PLCE1: variants seen among roughly 807,000 people sequenced by gnomAD.
The protein encoded by PLCE1 is 1-phosphatidylinositol 4,5-bisphosphate phosphodiesterase epsilon-1.
PLCE1 carries 119 observed loss-of-function variants against 242.8 expected under a neutral mutation model. The observed-to-expected ratio is 0.49, with a 90% confidence interval of 0.42 to 0.57. PLCE1 has a LOEUF of 0.57. PLCE1 is among the 20% of genes least tolerant of loss of function. The pLI, the probability that PLCE1 is intolerant of heterozygous loss-of-function variation, is 0.00. For missense variants in PLCE1, 2,441 were observed against 2,788.8 expected (o/e 0.88, Z 2.81); for synonymous variants, 945 against 1,017.4 (o/e 0.93, Z 1.35).
Position 94,283,910 on chromosome 10 carries a change from A to G in PLCE1, c.4916A>G (p.Lys1639Arg). ...KADNSACNKG[K>R]VYDMELGEEF... ...GATAACTCTGCTTGCAACAAAGGAA[A>G]GGTGGGTGAACGGTTTCTGTTAAAT... The change falls in exon 21 of 33, where the codon AAG (lysine) becomes AGG (arginine). Residue 1639 changes from lysine (K) to arginine (R), a missense_variant and splice_region_variant. By Grantham distance (26) the Lys-to-Arg change is conservative. Around this residue, in one of 5 missense-constraint regions of PLCE1, gnomAD observed 1,004 missense variants for 1,322.7 expected, o/e 0.76. Coordinates refer to ENST00000371380, the MANE Select transcript of PLCE1 (RefSeq NM_016341.4). The G allele has an allele frequency of 6.2e-7, 1 of 1,610,652 alleles. No individual in the cohort carries two copies. Among genetic ancestry groups the G allele is most frequent in the Non-Finnish European group, 8.5e-7 (1 of 1,177,686 alleles).
chr10:94,196,233 G>C (rs550384032), intron 4 of PLCE1, among the ~76,000 whole-genome samples: 20 of 152,256 alleles, frequency 1.3e-4, no homozygotes, highest in African/African-American at 4.8e-4. Flanking sequence ...TTCACTCTGG[G>C]CTCAGGGGCT....
intron 3 of PLCE1, among the ~76,000 whole-genome samples, chr10:94,169,945 A>G (rs1222181519): frequency 6.6e-6 from 1 of 152,218 alleles, no homozygotes; most frequent in East Asian, 1.9e-4. Context: ...CCAAGGAACT[A>G]GAAGTTTGCT....
At chr10:94,296,942 C>T (rs1473596591) in intron 23 of PLCE1, among the ~76,000 whole-genome samples, 1 of 151,786 alleles carries the variant, frequency 6.6e-6, no homozygotes, top group Non-Finnish European at 1.5e-5. Flanking sequence ...GGCGCGATCT[C>T]AGCTCACTGC....
At chr10:94,158,445 A>G (rs942118430) in intron 3 of PLCE1, among the ~76,000 whole-genome samples, 6 of 152,222 alleles carry the variant, frequency 3.9e-5, no homozygotes, top group African/African-American at 1.2e-4. Flanking sequence ...GATCAGTGAC[A>G]GATACTGATA....
chr10:94,254,999 C>T lies in PLCE1; in HGVS notation c.3504C>T (p.Ile1168=), dbSNP rs767991749. The change falls in exon 11 of 33, where the codon ATC becomes ATT. Residue 1168 remains isoleucine, a synonymous_variant. Transcript: ENST00000371380. ...TGGCTGCCGGGACGTCATCTCCCAT[C>T]AGGCCAGTGTCCTCCCCTGTGCTGT... ...PNLAAGTSSP[I]RPVSSPVLSS... The T allele has an allele frequency of 3.7e-6, 6 of 1,614,172 alleles. No homozygotes were observed. The Admixed American group carries it at 1.0e-4, about 27-fold the overall frequency.
chr10:94,081,386 T>C (rs2135239242), intron 2 of PLCE1, among the ~76,000 whole-genome samples: 1 of 152,344 alleles, frequency 6.6e-6, no homozygotes, highest in East Asian at 1.9e-4. Context: ...TGATTTCTGC[T>C]TTTTATATTT....
In PLCE1 at chr10:94,246,268, G is replaced by A; in HGVS notation, c.2743G>A (p.Ala915Thr). Residue 915 changes from alanine to threonine, a missense_variant, in exon 8 of 33, where the codon GCT becomes ACT. Coordinates refer to ENST00000371380, the MANE Select transcript of PLCE1 (RefSeq NM_016341.4). Reference sequence around the variant, plus strand: ...AAAACTTGGTGTACTTAATAACACAGCTGAGCCTGGAAAATTCCCACTACT... The same window carrying A: ...AAAACTTGGTGTACTTAATAACACAACTGAGCCTGGAAAATTCCCACTACT... ...KAKLGVLNNT[A>T]EPGKFPLLGN... 1 of 1,614,196 alleles carries A rather than the reference G, an allele frequency of 6.2e-7. No individual in the cohort carries two copies. The highest frequency in any genetic ancestry group is 8.5e-7 in the Non-Finnish European group (1 of 1,180,016).
intron 4 of PLCE1, among the ~76,000 whole-genome samples, chr10:94,211,619 A>G (rs2049332862): frequency 6.6e-6 from 1 of 152,262 alleles, no homozygotes; most frequent in Non-Finnish European, 1.5e-5. Context: ...AGCCTTGGCT[A>G]TGAAATAACA....
intron 11 of PLCE1, among the ~76,000 whole-genome samples, chr10:94,257,368 A>T (rs941507560): frequency 7.9e-5 from 12 of 152,084 alleles, no homozygotes; most frequent in African/African-American, 2.9e-4. Flanking sequence ...ACAAAAAAAA[A>T]CAGGTCCTCT....
intron 2 of PLCE1, among the ~76,000 whole-genome samples, chr10:94,063,486 A>G (rs538650105): frequency 7.2e-4 from 110 of 152,292 alleles, no homozygotes; most frequent in Admixed American, 1.8e-3. Context: ...CGTGAACATA[A>G]TAAATGAGCG....
At chr10:94,193,972 T>A (rs536932568) in intron 4 of PLCE1, among the ~76,000 whole-genome samples, 4 of 152,382 alleles carry the variant, frequency 2.6e-5, no homozygotes, top group Admixed American at 6.5e-5. Flanking sequence ...AGCATTTTTT[T>A]ATTACATTTT....
At chr10:94,211,075 TGTGTC>T (rs781241831) in intron 4 of PLCE1, among the ~76,000 whole-genome samples, 1 of 152,266 alleles carries the variant, frequency 6.6e-6, no homozygotes, top group Non-Finnish European at 1.5e-5. Context: ...TGCTGAGAGC[TGTGTC>T]GTGGGAGGCC....
chr10:94,114,831 A>G (rs1590055429), intron 2 of PLCE1, among the ~76,000 whole-genome samples: 3 of 151,406 alleles, frequency 2.0e-5, no homozygotes, highest in African/African-American at 7.3e-5. Flanking sequence ...GATTTGTTAC[A>G]TATGTATACA....
intron 1 of PLCE1, among the ~76,000 whole-genome samples, 200 bp from the exon 2 acceptor site, chr10:94,030,483 G>T (rs1589881587): frequency 1.3e-5 from 2 of 149,608 alleles, no homozygotes; most frequent in African/African-American, 2.5e-5. Context: ...AATAAATCTT[G>T]CCCTTGTTAC....
intron 4 of PLCE1, among the ~76,000 whole-genome samples, chr10:94,177,859 G>A (rs1385527501): frequency 4.6e-5 from 7 of 152,150 alleles, no homozygotes; most frequent in Admixed American, 4.6e-4. Flanking sequence ...GAGAGGAGAG[G>A]CAAATCGAGA....
At chr10:94,024,082 G>A (rs567438860) in intron 1 of PLCE1, among the ~76,000 whole-genome samples, 44 of 152,292 alleles carry the variant, frequency 2.9e-4, no homozygotes, top group Admixed American at 2.2e-3. Flanking sequence ...TGTAGGGTTT[G>A]CATGTGGGTG....
chr10:94,027,351 A>C (rs2061467948), intron 1 of PLCE1, among the ~76,000 whole-genome samples: 1 of 152,204 alleles, frequency 6.6e-6, no homozygotes, highest in Non-Finnish European at 1.5e-5. Context: ...GTACTCAACA[A>C]ATATTTGCTG....
intron 1 of PLCE1, among the ~76,000 whole-genome samples, chr10:94,000,976 A>C (rs1412158169): frequency 6.6e-6 from 1 of 152,148 alleles, no homozygotes; most frequent in Non-Finnish European, 1.5e-5. Context: ...GCTTCTGCTC[A>C]ATACTGGGTC....
chr10:94,084,740 G>T (rs2044755022), intron 2 of PLCE1, among the ~76,000 whole-genome samples: 1 of 152,192 alleles, frequency 6.6e-6, no homozygotes. Flanking sequence ...CACTGTTTCT[G>T]ATTGGACAAT....
Sources: gnomAD v4.1 joint callset for allele counts (sites outside exome capture counted in the v4.1 genomes callset) on GRCh38, gnomAD v4.1.1 for gene constraint, gnomAD v4.1.1 regional missense constraint, MANE v1.5 for transcripts, NCBI Gene and HGNC (gene_info 2026-07-23, HGNC 2026-07-21) for gene names.